SEC11C: variants seen among roughly 807,000 people sequenced by gnomAD.
The protein encoded by SEC11C is SEC11 homolog C, signal peptidase complex subunit.
In SEC11C, 10 loss-of-function variants were observed where a neutral mutation model predicts 21.9. The ratio of observed to expected loss-of-function variants is 0.46; its 90% CI spans 0.28 to 0.77. The LOEUF (loss-of-function observed/expected upper bound fraction) is 0.77. Ranked by LOEUF, SEC11C falls within the 30% of genes least tolerant of loss-of-function variation. The pLI, the probability that SEC11C is intolerant of heterozygous loss-of-function variation, is 0.12. For synonymous variants in SEC11C, 83 were observed against 85.6 expected (o/e 0.97, Z 0.17); for missense variants, 145 against 244.5 (o/e 0.59, Z 2.71).
At chr18:59,143,470 A>G (rs956305663) in intron 1 of SEC11C, among the ~76,000 whole-genome samples, 1 of 152,026 alleles carries the variant, frequency 6.6e-6, no homozygotes, top group East Asian at 1.9e-4. Flanking sequence ...TTATGTCCTC[A>G]CTTTCAGTTG....
intron 1 of SEC11C, among the ~76,000 whole-genome samples, chr18:59,140,743 G>A (rs1352299574): frequency 6.6e-6 from 1 of 152,148 alleles, no homozygotes. Flanking sequence ...TTTGTGAGAG[G>A]ACCTCAGAGG....
rs762680869 is a variant in SEC11C, at chr18:59,142,613, TTTG to T, written c.87+2591_87+2593del. ...GCTGATTTTACTTTAGAAGCAGTGTTTTGTTGTTGTTGTTGGAATCTCAATATT... is the reference window on the plus strand; with the variant it reads ...GCTGATTTTACTTTAGAAGCAGTGTTTTGTTGTTGTTGGAATCTCAATATT... On this transcript the variant is annotated intron_variant, in intron 1 of 5. Coordinates refer to ENST00000587834, the MANE Select transcript of SEC11C (RefSeq NM_033280.4). 4.7e-4 allele frequency among the ~76,000 whole-genome samples: 72 copies of T among 152,264 alleles called. 1 individual carries two copies. The East Asian group carries it at 0.013, about 27-fold the overall frequency.
At position 59,157,685 on chromosome 18, in the gene SEC11C, T is replaced by C. The variant is rs772051645; in HGVS notation, c.525+20T>C. The C allele has an allele frequency of 1.3e-6, 2 of 1,500,616 alleles. No individual in the cohort carries two copies. The highest frequency in any genetic ancestry group is 1.9e-6 in the Non-Finnish European group (2 of 1,078,570). 93.0% of individuals were successfully genotyped at this position (1,500,616 alleles called of 1,614,324 possible). On this transcript the variant is annotated intron_variant, in intron 5 of 5. Coordinates refer to ENST00000587834, the MANE Select transcript of SEC11C (RefSeq NM_033280.4). ...TTCAAGGTAGGAATTTATGTGTGTCTATATTTATTTACTTCGTTAAATATT... is the reference window on the plus strand; with the variant it reads ...TTCAAGGTAGGAATTTATGTGTGTCCATATTTATTTACTTCGTTAAATATT...
chr18:59,150,178 A>T (rs2069331131), intron 2 of SEC11C, among the ~76,000 whole-genome samples: 1 of 152,244 alleles, frequency 6.6e-6, no homozygotes, highest in Non-Finnish European at 1.5e-5. Context: ...GAAAAACTTA[A>T]CATCAATTTG....
chr18:59,154,965 G>T (rs981169604), intron 3 of SEC11C, among the ~76,000 whole-genome samples: 2 of 152,082 alleles, frequency 1.3e-5, no homozygotes, highest in African/African-American at 4.8e-5. Flanking sequence ...ACTCAGAGAC[G>T]GAGGCAGGAT....
intron 1 of SEC11C, chr18:59,147,752 A>T (rs2069293917): frequency 6.6e-6 from 1 of 152,180 alleles, no homozygotes; most frequent in Non-Finnish European, 1.5e-5. Flanking sequence ...CTTGTCTTCC[A>T]CCCAGAGGCC....
intron 1 of SEC11C, among the ~76,000 whole-genome samples, chr18:59,144,664 G>A (rs1279719465): frequency 6.7e-6 from 1 of 148,572 alleles, no homozygotes; most frequent in African/African-American, 2.5e-5. Context: ...GTTTGAGGCT[G>A]TGGTGAGCTA....
At chr18:59,152,855 T>G in intron 3 of SEC11C, 170 bp downstream of exon 3, 1 of 526,630 alleles carries the variant, frequency 1.9e-6, no homozygotes, top group East Asian at 3.1e-5. Flanking sequence ...GTTGTAGTAG[T>G]TAAACCCATA....
At chr18:59,140,107 T>G (rs3744891) in intron 1 of SEC11C, 72 bp downstream of exon 1, 624,703 of 1,353,226 alleles carry the variant, frequency 0.46, 148,868 homozygotes, top group East Asian at 0.84. Context: ...GGCTTCCCAG[T>G]CAGGGCTCCG....
intron 1 of SEC11C, among the ~76,000 whole-genome samples, chr18:59,143,814 C>G (rs529730101): frequency 8.6e-5 from 13 of 150,852 alleles, no homozygotes; most frequent in African/African-American, 1.5e-4. Context: ...CCATTAAGTT[C>G]TTTATGCATT....
At position 59,152,534 on chromosome 18, in the gene SEC11C, A is replaced by T; in HGVS notation, c.198-2A>T. On this transcript the variant is annotated splice_acceptor_variant, in intron 2 of 5. Coordinates refer to ENST00000587834, the MANE Select transcript of SEC11C (RefSeq NM_033280.4). LOFTEE classifies it high-confidence loss of function. The stretch of plus-strand genomic sequence containing the variant: ...TGATACTGACTTTGTGCTTCTTTCC[A>T]GTGGCAGTATGGAGCCGGCCTTTCA... 1.3e-6 allele frequency: 2 copies of T among 1,596,418 alleles called. No homozygotes were observed. The highest frequency in any genetic ancestry group is 2.3e-5 in the South Asian group (2 of 87,460).
intron 1 of SEC11C, among the ~76,000 whole-genome samples, chr18:59,141,386 A>G (rs1213844553): frequency 6.6e-6 from 1 of 152,212 alleles, no homozygotes; most frequent in African/African-American, 2.4e-5. Context: ...CAGGAAGCAG[A>G]GCTTTGTTTA....
chr18:59,152,447 T>A, intron 2 of SEC11C, 89 bp from the exon 3 acceptor site: 2 of 1,399,184 alleles, frequency 1.4e-6, no homozygotes, highest in Non-Finnish European at 1.9e-6. Context: ...GAGACCTACT[T>A]GACTATTGAG....
At chr18:59,149,489 G>A (rs761551862) in intron 1 of SEC11C, 24 bp from the exon 2 acceptor site, 19 of 1,485,858 alleles carry the variant, frequency 1.3e-5, no homozygotes, top group Middle Eastern at 3.5e-4. Flanking sequence ...GGTTTTCATC[G>A]TGGTTTCCTC....
intron 1 of SEC11C, among the ~76,000 whole-genome samples, chr18:59,148,691 G>T (rs956552206): frequency 9.2e-5 from 14 of 151,490 alleles, no homozygotes; most frequent in Non-Finnish European, 5.9e-5. Flanking sequence ...ACGGCTCACT[G>T]CAAGCTCTGC....
chr18:59,149,582 G>T lies in SEC11C; in HGVS notation c.157G>T (p.Val53Leu), dbSNP rs367998627. 6.2e-6 allele frequency: 10 copies of T among 1,612,826 alleles called. No homozygotes were observed. Among genetic ancestry groups the T allele is most frequent in the Non-Finnish European group, 7.6e-6 (9 of 1,179,098 alleles). The change falls in exon 2 of 6, where the codon GTG (valine) becomes TTG (leucine). Residue 53 changes from valine (V) to leucine (L), a missense_variant. Val to Leu is a conservative substitution (Grantham distance 32). Coordinates refer to ENST00000587834, the MANE Select transcript of SEC11C (RefSeq NM_033280.4). ...SALMIWKGLI[V>L]LTGSESPIVV... Reference sequence around the variant, plus strand: ...ACTCATGATATGGAAAGGCTTGATCGTGCTCACAGGCAGTGAGAGCCCCAT... The same window carrying T: ...ACTCATGATATGGAAAGGCTTGATCTTGCTCACAGGCAGTGAGAGCCCCAT...
Position 59,140,005 on chromosome 18 carries a change from C to T in SEC11C, c.57C>T (p.Phe19=). 6.3e-7 allele frequency: 1 copy of T among 1,593,026 alleles called. No homozygotes were observed. Among genetic ancestry groups the T allele is most frequent in the South Asian group, 1.1e-5 (1 of 88,972 alleles). ...TCCCCGCGTCCGGCTTGGATATCTT[C>T]GGGGACCTGAAGAAGATGAACAAGC... is the stretch of plus-strand genomic sequence containing the variant. ...AHLPASGLDI[F]GDLKKMNKRQ... is the part of the protein sequence containing the mutation. Residue 19 remains phenylalanine (F), a synonymous_variant, in exon 1 of 6, where the codon TTC becomes TTT. Coordinates refer to ENST00000587834, the MANE Select transcript of SEC11C (RefSeq NM_033280.4).
chr18:59,144,043 C>G (rs11664895), intron 1 of SEC11C, among the ~76,000 whole-genome samples: 72,341 of 151,634 alleles, frequency 0.48, 18,197 homozygotes, highest in East Asian at 0.85. Flanking sequence ...TAGTAGAGAT[C>G]GGGTTTCACC....
chr18:59,152,826 CTCTT>C lies in SEC11C; in HGVS notation c.347+145_347+148del, dbSNP rs916214476. 4.7e-6 allele frequency: 3 copies of C among 640,326 alleles called. No individual in the cohort carries two copies. In the Admixed American group the frequency reaches 1.0e-4, roughly 22 times the overall value. The allele number at this position is 640,326 out of a possible 1,614,324, so 39.7% of individuals were successfully genotyped here. ...GGGTGACTTTGGACCAAATGCTTAA[CTCTT>C]TCTGTAGGATGGGAGTTGTAGTAGT... is the stretch of plus-strand genomic sequence containing the variant. On this transcript the variant is annotated intron_variant, in intron 3 of 5. Coordinates refer to ENST00000587834, the MANE Select transcript of SEC11C (RefSeq NM_033280.4).
Sources: allele counts gnomAD v4.1 joint callset (sites outside exome capture counted in the v4.1 genomes callset), GRCh38; gene constraint gnomAD v4.1.1; transcripts MANE v1.5; gene names NCBI Gene and HGNC (gene_info 2026-07-23, HGNC 2026-07-21).